IL1RAPL1: variants seen among roughly 807,000 people sequenced by gnomAD.
IL1RAPL1 encodes interleukin-1 receptor accessory protein-like 1.
IL1RAPL1 carries 3 observed loss-of-function variants against 48.4 expected under a neutral mutation model. That is an observed-to-expected ratio of 0.06 (90% CI 0.03 to 0.16). The LOEUF is 0.16. Ranked by LOEUF, IL1RAPL1 falls within the 10% of genes least tolerant of loss-of-function variation. The pLI is 1.00. For missense variants in IL1RAPL1, 349 were observed against 530.6 expected (o/e 0.66, Z 3.36); for synonymous variants, 185 against 187.7 (o/e 0.99, Z 0.12).
intron 6 of IL1RAPL1, among the ~76,000 whole-genome samples, chrX:29,734,528 G>A (rs1189269919): frequency 8.9e-6 from 1 of 111,925 alleles, no homozygotes; most frequent in Non-Finnish European, 1.9e-5. Context: ...TTTCAGGAAA[G>A]AAGAAGAAAA....
chrX:29,314,787 T>G (rs945130607), intron 3 of IL1RAPL1, among the ~76,000 whole-genome samples: 4 of 112,448 alleles, frequency 3.6e-5, no homozygotes, highest in African/African-American at 1.3e-4. Flanking sequence ...ATTTTTCAAC[T>G]ACTTTCACAG....
At chrX:28,812,671 G>A (rs1034562253) in intron 2 of IL1RAPL1, among the ~76,000 whole-genome samples, 9 of 111,300 alleles carry the variant, frequency 8.1e-5, no homozygotes, top group African/African-American at 2.9e-4. Flanking sequence ...ATAAATGAAT[G>A]TGTATAATAG....
intron 2 of IL1RAPL1, among the ~76,000 whole-genome samples, chrX:29,085,804 C>T (rs765036710): frequency 1.1e-4 from 12 of 111,666 alleles, no homozygotes; most frequent in Non-Finnish European, 2.1e-4. Context: ...TGTTGTGGCC[C>T]GCTAGAAATG....
intron 2 of IL1RAPL1, among the ~76,000 whole-genome samples, chrX:29,008,522 G>T (rs915048017): frequency 8.9e-6 from 1 of 112,104 alleles, no homozygotes; most frequent in African/African-American, 3.2e-5. Flanking sequence ...TTGTTAATTA[G>T]CTTGATTTAA....
intron 5 of IL1RAPL1, among the ~76,000 whole-genome samples, chrX:29,469,483 C>T (rs1934899010): frequency 8.9e-6 from 1 of 111,751 alleles, no homozygotes; most frequent in African/African-American, 3.2e-5. Context: ...AAAATATAAG[C>T]TTGGGTACAG....
chrX:28,649,580 T>A (rs753163936), intron 1 of IL1RAPL1, among the ~76,000 whole-genome samples: 11 of 112,647 alleles, frequency 9.8e-5, no homozygotes, highest in Non-Finnish European at 2.1e-4. Context: ...GGGAACTTGT[T>A]TTTCCCCTTT....
chrX:29,765,309 CT>C (rs1257519003), intron 6 of IL1RAPL1, among the ~76,000 whole-genome samples: 1 of 100,309 alleles, frequency 1.0e-5, no homozygotes, highest in African/African-American at 3.7e-5. Flanking sequence ...TTACATGTGA[CT>C]ATAGAGACTG....
intron 6 of IL1RAPL1, among the ~76,000 whole-genome samples, chrX:29,877,429 C>A (rs904192664): frequency 1.8e-5 from 2 of 111,338 alleles, no homozygotes; most frequent in African/African-American, 6.5e-5. Flanking sequence ...AAATTAGCAT[C>A]GATATGAACA....
At chrX:29,871,581 C>T (rs1364975000) in intron 6 of IL1RAPL1, among the ~76,000 whole-genome samples, 1 of 112,398 alleles carries the variant, frequency 8.9e-6, no homozygotes, top group Non-Finnish European at 1.9e-5. Context: ...TATTCCCACA[C>T]ATTCCTATTT....
intron 2 of IL1RAPL1, among the ~76,000 whole-genome samples, chrX:28,945,501 C>T (rs1309262417): frequency 9.0e-6 from 1 of 110,712 alleles, no homozygotes; most frequent in Admixed American, 9.7e-5. Flanking sequence ...ATCACAGGAA[C>T]AGAAAGCCAA....
intron 2 of IL1RAPL1, among the ~76,000 whole-genome samples, chrX:28,974,131 A>G (rs1480306231): frequency 2.7e-5 from 3 of 111,869 alleles, no homozygotes; most frequent in Non-Finnish European, 3.8e-5. Flanking sequence ...GTGGTTACAG[A>G]TGCTGGCACT....
intron 2 of IL1RAPL1, among the ~76,000 whole-genome samples, chrX:28,835,390 G>A (rs763259099): frequency 1.8e-4 from 20 of 111,022 alleles, no homozygotes; most frequent in Non-Finnish European, 2.6e-4. Context: ...GCTGTGTGAG[G>A]GAATAGTACA....
At chrX:28,641,392 C>T (rs193104190) in intron 1 of IL1RAPL1, among the ~76,000 whole-genome samples, 1 of 111,157 alleles carries the variant, frequency 9.0e-6, no homozygotes, top group African/African-American at 3.3e-5. Flanking sequence ...AAGGACATGA[C>T]CTCATTCTTT....
At chrX:28,753,817 C>G (rs1936072586) in intron 1 of IL1RAPL1, among the ~76,000 whole-genome samples, 1 of 111,245 alleles carries the variant, frequency 9.0e-6, no homozygotes, top group African/African-American at 3.3e-5. Flanking sequence ...ATGATTCACC[C>G]ACATCTTTTC....
At chrX:29,839,056 C>T (rs1374965788) in intron 6 of IL1RAPL1, among the ~76,000 whole-genome samples, 1 of 112,306 alleles carries the variant, frequency 8.9e-6, no homozygotes, top group Non-Finnish European at 1.9e-5. Context: ...CAAGTCTCTG[C>T]TATTGTTCCA....
At chrX:29,567,088 G>T (rs1237194149) in intron 5 of IL1RAPL1, among the ~76,000 whole-genome samples, 2 of 111,283 alleles carry the variant, frequency 1.8e-5, no homozygotes, top group African/African-American at 6.5e-5. Flanking sequence ...TGAAAAATAA[G>T]AGTAGAGTCC....
chrX:29,571,006 G>T (rs1922575445), intron 5 of IL1RAPL1, among the ~76,000 whole-genome samples: 1 of 111,905 alleles, frequency 8.9e-6, no homozygotes, highest in South Asian at 3.7e-4. Flanking sequence ...TGGATCACGA[G>T]GTCAGCAGAT....
intron 1 of IL1RAPL1, among the ~76,000 whole-genome samples, chrX:28,634,361 G>T (rs1440969729): frequency 2.8e-5 from 3 of 108,457 alleles, no homozygotes; most frequent in Non-Finnish European, 5.7e-5. Flanking sequence ...GTATATATGT[G>T]TATATATACA....
chrX:29,219,549 G>C (rs1441915295), intron 2 of IL1RAPL1, among the ~76,000 whole-genome samples: 1 of 111,257 alleles, frequency 9.0e-6, no homozygotes, highest in African/African-American at 3.3e-5. Context: ...AGTAGAGAGG[G>C]GAGAGGTCTC....
Sources: gnomAD v4.1 joint callset for allele counts (sites outside exome capture counted in the v4.1 genomes callset) on GRCh38, gnomAD v4.1.1 for gene constraint, MANE v1.5 for transcripts, NCBI Gene and HGNC (gene_info 2026-07-23, HGNC 2026-07-21) for gene names.